The following OPCML variants were observed in gnomAD, a reference collection of about 807,000 sequenced individuals.
OPCML encodes the protein opioid binding protein/cell adhesion molecule like, also known as opioid-binding protein/cell adhesion molecule.
A neutral mutation model predicts 37.8 loss-of-function variants in OPCML; 13 were observed. That is an observed-to-expected ratio of 0.34 (90% CI 0.22 to 0.55). OPCML has a LOEUF of 0.55. Ranked by LOEUF, OPCML falls within the 20% of genes least tolerant of loss-of-function variation. The pLI, the probability that OPCML is intolerant of heterozygous loss-of-function variation, is 0.91. For missense variants in OPCML, 341 were observed against 435.6 expected, an observed-to-expected ratio of 0.78 and a Z score of 1.93; for synonymous variants, 176 against 168.8, an observed-to-expected ratio of 1.04 and a Z score of -0.33.
In OPCML at chr11:133,014,246, C is replaced by A. The variant is rs148055878; in HGVS notation, c.62-71236G>T. On this transcript the variant is annotated intron_variant, in intron 1 of 7. Coordinates refer to ENST00000524381, the MANE Select transcript of OPCML (RefSeq NM_001012393.5). Reference sequence around the variant, plus strand: ...TATGTAAGTTGGAATTCAAAAGCCACCTCTTGGAGAACTGCTCATTCCCTA... The same window carrying A: ...TATGTAAGTTGGAATTCAAAAGCCAACTCTTGGAGAACTGCTCATTCCCTA... Among the ~76,000 whole-genome samples the A allele has an allele frequency of 1.9e-3, 292 of 152,244 alleles. 2 individuals are homozygous for A. Among genetic ancestry groups the A allele is most frequent in the African/African-American group, 6.8e-3 (282 of 41,530 alleles).
Position 133,157,052 on chromosome 11 carries a change from C to G in OPCML, c.62-214042G>C, listed in dbSNP as rs59417405. On this transcript the variant is annotated intron_variant, in intron 1 of 7. Transcript: ENST00000524381. ...CACGGAGATACGAGATGCTGGGCTC[C>G]GGCTACATTTGCACATTTGCATTCT... is the stretch of plus-strand genomic sequence containing the variant. Among the ~76,000 whole-genome samples the G allele has an allele frequency of 2.1e-3, 320 of 152,096 alleles. 1 individual carries two copies. Among genetic ancestry groups the G allele is most frequent in the African/African-American group, 6.7e-3 (278 of 41,462 alleles).
intron 1 of OPCML, among the ~76,000 whole-genome samples, chr11:133,395,497 T>C (rs562180510): frequency 3.2e-4 from 48 of 152,318 alleles, no homozygotes; most frequent in African/African-American, 1.1e-3. Context: ...AAAGTTTCCC[T>C]AATGTTTTCC....
intron 2 of OPCML, among the ~76,000 whole-genome samples, chr11:132,719,382 A>G (rs1323743389): frequency 1.3e-5 from 2 of 152,204 alleles, no homozygotes; most frequent in African/African-American, 4.8e-5. Context: ...ATTCATTGAG[A>G]GACTGACGAG....
chr11:132,788,289 A>T (rs1937648599), intron 2 of OPCML, among the ~76,000 whole-genome samples: 1 of 152,058 alleles, frequency 6.6e-6, no homozygotes, highest in East Asian at 1.9e-4. Context: ...CTTTTCATCC[A>T]CTTAATCTTG....
chr11:132,497,342 A>G (rs891084913), intron 4 of OPCML, among the ~76,000 whole-genome samples: 1 of 150,582 alleles, frequency 6.6e-6, no homozygotes, highest in Non-Finnish European at 1.5e-5. Flanking sequence ...GCAAACCACC[A>G]TGGCACACAT....
At chr11:133,088,000 AATAT>A (rs1480305564) in intron 1 of OPCML, among the ~76,000 whole-genome samples, 2 of 152,260 alleles carry the variant, frequency 1.3e-5, no homozygotes, top group Non-Finnish European at 2.9e-5. Context: ...CGATAAAATA[AATAT>A]ATGAGAAAAA....
At chr11:133,337,959 T>G (rs1943780295) in intron 1 of OPCML, among the ~76,000 whole-genome samples, 1 of 151,854 alleles carries the variant, frequency 6.6e-6, no homozygotes, top group African/African-American at 2.4e-5. Flanking sequence ...TCAGCTCCCG[T>G]GCCCAGCCCT....
intron 1 of OPCML, among the ~76,000 whole-genome samples, chr11:133,447,934 A>G (rs1175409239): frequency 6.6e-6 from 1 of 152,154 alleles, no homozygotes; most frequent in Non-Finnish European, 1.5e-5. Context: ...TATTCTATGT[A>G]TAAGTGTTTT....
intron 4 of OPCML, among the ~76,000 whole-genome samples, chr11:132,484,492 C>T (rs950599010): frequency 1.2e-4 from 18 of 152,240 alleles, no homozygotes; most frequent in Admixed American, 2.0e-4. Flanking sequence ...AGTTCAACCA[C>T]TGTGGAAGTC....
intron 2 of OPCML, among the ~76,000 whole-genome samples, chr11:132,676,560 T>C (rs543039492): frequency 6.6e-6 from 1 of 151,830 alleles, no homozygotes; most frequent in Non-Finnish European, 1.5e-5. Context: ...GTTTCTTGAA[T>C]ATATAACTTA....
intron 1 of OPCML, among the ~76,000 whole-genome samples, chr11:132,964,135 C>G (rs1946159819): frequency 6.6e-6 from 1 of 152,256 alleles, no homozygotes; most frequent in South Asian, 2.1e-4. Context: ...CAGGAAACAC[C>G]TGAAGGTGCA....
intron 1 of OPCML, among the ~76,000 whole-genome samples, chr11:133,126,070 T>TAC (rs3049587): frequency 3.8e-4 from 57 of 148,442 alleles, no homozygotes; most frequent in African/African-American, 1.2e-3. Context: ...ATATGTACCA[T>TAC]ACACACACAC....
At position 133,141,000 on chromosome 11, in the gene OPCML, C is replaced by CGAAGAA. The variant is rs1218067845; in HGVS notation, c.62-197991_62-197990insTTCTTC. Among the ~76,000 whole-genome samples, 6 of 4,412 alleles carry CGAAGAA rather than the reference C, an allele frequency of 1.4e-3. 1 individual carries two copies. Among genetic ancestry groups the CGAAGAA allele is most frequent in the African/African-American group, 2.5e-3 (6 of 2,410 alleles). The allele number at this position is 4,412 out of a possible 152,430, so 2.9% of individuals were successfully genotyped here. On this transcript the variant is annotated intron_variant, in intron 1 of 7. Coordinates refer to ENST00000524381, the MANE Select transcript of OPCML (RefSeq NM_001012393.5). ...AAGAAGAAGAAGAAGAAGAAGAAGA[C>CGAAGAA]GACGACGACGACGACGACGACGACG...
chr11:132,438,980 C>G (rs1444437079), intron 4 of OPCML, among the ~76,000 whole-genome samples: 2 of 152,140 alleles, frequency 1.3e-5, no homozygotes. Context: ...TCTCTGGATA[C>G]TGGCTACCAA....
At chr11:133,175,311 C>T (rs1950351265) in intron 1 of OPCML, among the ~76,000 whole-genome samples, 1 of 152,096 alleles carries the variant, frequency 6.6e-6, no homozygotes. Flanking sequence ...TGCTGTGAGT[C>T]CACTGGAGCC....
intron 2 of OPCML, among the ~76,000 whole-genome samples, chr11:132,899,187 A>G (rs1943960113): frequency 6.6e-6 from 1 of 152,204 alleles, no homozygotes; most frequent in Non-Finnish European, 1.5e-5. Context: ...TGGGTAGTGG[A>G]AGGCAGTTAT....
intron 2 of OPCML, among the ~76,000 whole-genome samples, chr11:132,924,127 A>ATG (rs10686395): frequency 0.19 from 28,447 of 149,628 alleles, 3,025 homozygotes; most frequent in East Asian, 0.35. Context: ...AAAAAAAACT[A>ATG]TGTGTGTGTG....
chr11:133,080,914 C>T (rs1292977559), intron 1 of OPCML, among the ~76,000 whole-genome samples: 17 of 152,152 alleles, frequency 1.1e-4, no homozygotes, highest in Admixed American at 9.8e-4. Flanking sequence ...TCATGGGTCT[C>T]GGAGTCTAGT....
chr11:132,545,261 G>C (rs529246749), intron 3 of OPCML, among the ~76,000 whole-genome samples: 64 of 152,204 alleles, frequency 4.2e-4, no homozygotes, highest in Non-Finnish European at 7.6e-4. Context: ...GATTTGGAAA[G>C]AATATTTTTT....
Sources: allele counts gnomAD v4.1 joint callset (sites outside exome capture counted in the v4.1 genomes callset), GRCh38; gene constraint gnomAD v4.1.1; transcripts MANE v1.5; gene names NCBI Gene and HGNC (gene_info 2026-07-23, HGNC 2026-07-21).